Variants in ANTXRL observed in about 807,000 individuals in gnomAD.
ANTXRL encodes the protein anthrax toxin receptor-like.
Under a neutral mutation model 75.4 loss-of-function variants are expected in ANTXRL, and 63 were observed. That is an observed-to-expected ratio of 0.84 (90% CI 0.68 to 1.03). The LOEUF (loss-of-function observed/expected upper bound fraction) is 1.03. ANTXRL is among the 50% of genes least tolerant of loss of function. The probability of loss-of-function intolerance (pLI) is 0.00; values close to 1 mark genes in which losing one functional copy is unlikely to be tolerated. For missense variants in ANTXRL, 797 were observed against 789.4 expected, an observed-to-expected ratio of 1.01 and a Z score of -0.12; for synonymous variants, 335 against 291.3, an observed-to-expected ratio of 1.15 and a Z score of -1.53.
Position 46,311,521 on chromosome 10 carries a change from G to C in ANTXRL, c.1185G>C (p.Gln395His). ...PVQKPEKEPE[Q>H]EKPPSPPPPP... Reference sequence around the variant, plus strand: ...TTTTCTTTTTTTAGGAGCCAGAGCAGGAAAAACCACCATCACCACCACCAC... The same window carrying C: ...TTTTCTTTTTTTAGGAGCCAGAGCACGAAAAACCACCATCACCACCACCAC... Residue 395 changes from glutamine to histidine, a missense_variant, in exon 15 of 17, where the codon CAG becomes CAC. Physicochemically the swap from Gln to His is conservative, Grantham distance 24. This residue lies in a region of ANTXRL where 479 missense variants were observed against 422.0 expected (regional missense o/e 1.14). Coordinates refer to ENST00000620264, the MANE Select transcript of ANTXRL (RefSeq NM_001278688.3). The C allele has an allele frequency of 6.5e-7, 1 of 1,532,690 alleles. No individual in the cohort carries two copies. The highest frequency in any genetic ancestry group is 1.4e-5 in the African/African-American group (1 of 72,964). The allele number at this position is 1,532,690 out of a possible 1,614,324, so 94.9% of individuals were successfully genotyped here.
intron 16 of ANTXRL, among the ~76,000 whole-genome samples, chr10:46,322,230 A>T (rs1554965697): frequency 6.6e-6 from 1 of 152,038 alleles, no homozygotes; most frequent in Admixed American, 6.6e-5. Context: ...GTCCAAAAGG[A>T]AGGTGGATCA....
At chr10:46,287,689 T>G (rs1836821004) in intron 1 of ANTXRL, among the ~76,000 whole-genome samples, 179 bp downstream of exon 1, 1 of 152,092 alleles carries the variant, frequency 6.6e-6, no homozygotes, top group Non-Finnish European at 1.5e-5. Context: ...GCCCTGGCTT[T>G]CTTTTCCCTG....
intron 16 of ANTXRL, among the ~76,000 whole-genome samples, chr10:46,316,265 C>G (rs1375805176): frequency 6.6e-6 from 1 of 152,074 alleles, no homozygotes; most frequent in Non-Finnish European, 1.5e-5. Context: ...TTCATTCTCA[C>G]AACACCCAGG....
At chr10:46,321,577 T>C (rs560092757) in intron 16 of ANTXRL, among the ~76,000 whole-genome samples, 17 of 152,292 alleles carry the variant, frequency 1.1e-4, no homozygotes, top group Non-Finnish European at 2.1e-4. Context: ...GCAATTTTCC[T>C]CTGACATAAT....
intron 12 of ANTXRL, among the ~76,000 whole-genome samples, chr10:46,307,805 C>A (rs1838182846): frequency 6.6e-6 from 1 of 152,134 alleles, no homozygotes; most frequent in South Asian, 2.1e-4. Flanking sequence ...CTGCTGATGA[C>A]CCTGGCCCCT....
chr10:46,302,995 A>T (rs1837848412), intron 10 of ANTXRL, among the ~76,000 whole-genome samples, 175 bp downstream of exon 10: 1 of 152,092 alleles, frequency 6.6e-6, no homozygotes, highest in Admixed American at 6.5e-5. Context: ...CCCTCCCTTC[A>T]TCTGCCAAGT....
At chr10:46,297,708 A>G in intron 7 of ANTXRL, 123 bp from the exon 8 acceptor site, 1 of 966,022 alleles carries the variant, frequency 1.0e-6, no homozygotes, top group Non-Finnish European at 1.6e-6. Flanking sequence ...GAAGTCTGTG[A>G]CATTCAGAGC....
In ANTXRL at chr10:46,297,478, A is replaced by G; in HGVS notation, c.654+4A>G. The G allele has an allele frequency of 6.5e-7, 1 of 1,535,502 alleles. No individual in the cohort carries two copies. Among genetic ancestry groups the G allele is most frequent in the South Asian group, 1.2e-5 (1 of 84,028 alleles). ...GGCTGATTATAATCTGGATCAGGTAATTCCAAGCAGGTAACCAGGCGCCAC... is the reference window on the plus strand; with the variant it reads ...GGCTGATTATAATCTGGATCAGGTAGTTCCAAGCAGGTAACCAGGCGCCAC... On this transcript the variant is annotated splice_donor_region_variant and intron_variant, in intron 7 of 16. Coordinates refer to ENST00000620264, the MANE Select transcript of ANTXRL (RefSeq NM_001278688.3).
upstream of ANTXRL, among the ~76,000 whole-genome samples, chr10:46,286,118 A>G (rs1297453716): frequency 1.3e-5 from 2 of 152,116 alleles, no homozygotes; most frequent in Non-Finnish European, 2.9e-5. Context: ...TGACACTGGG[A>G]TGTGAACCTG....
chr10:46,298,283 G>A (rs1837509229), intron 9 of ANTXRL, among the ~76,000 whole-genome samples: 1 of 151,956 alleles, frequency 6.6e-6, no homozygotes, highest in Admixed American at 6.6e-5. Flanking sequence ...AAGTTGTGCT[G>A]TGGGAGGCTT....
Position 46,297,313 on chromosome 10 carries a change from GGACACTCTCA to G in ANTXRL, c.573_582del (p.Asp191GlufsTer26). Reference sequence around the variant, plus strand: ...GAGAACTGGTGGCACATGCATTTCAGGACACTCTCAGAGAAGTGAGTCCAGTTCATACTTA... The same window carrying G: ...GAGAACTGGTGGCACATGCATTTCAGGAGAAGTGAGTCCAGTTCATACTTA... On this transcript the variant is annotated frameshift_variant, in exon 6 of 17. Coordinates refer to ENST00000620264, the MANE Select transcript of ANTXRL (RefSeq NM_001278688.3). LOFTEE classifies it high-confidence loss of function. The G allele has an allele frequency of 6.5e-7, 1 of 1,536,458 alleles. No individual in the cohort carries two copies. The highest frequency in any genetic ancestry group is 1.2e-5 in the South Asian group (1 of 84,048).
intron 10 of ANTXRL, among the ~76,000 whole-genome samples, chr10:46,305,952 C>G (rs1407054234): frequency 6.6e-6 from 1 of 152,188 alleles, no homozygotes; most frequent in African/African-American, 2.4e-5. Context: ...AGTCCTGTTG[C>G]CTCCATGTGC....
intron 12 of ANTXRL, 60 bp from the exon 13 acceptor site, chr10:46,309,053 G>A: frequency 6.5e-7 from 1 of 1,533,920 alleles, no homozygotes; most frequent in Admixed American, 2.0e-5. Context: ...GGGCCACCAA[G>A]TGGTGGGCAC....
upstream of ANTXRL, chr10:46,286,304 C>T (rs1441293153): frequency 1.3e-5 from 2 of 152,194 alleles, no homozygotes; most frequent in Admixed American, 6.5e-5. Flanking sequence ...TCTTGGACCT[C>T]TGGGCCACCT....
chr10:46,324,626 A>G (rs76889246), intron 16 of ANTXRL, among the ~76,000 whole-genome samples: 1 of 152,148 alleles, frequency 6.6e-6, no homozygotes, highest in African/African-American at 2.4e-5. Flanking sequence ...AATTTAGGAA[A>G]GACTTAGAAT....
At chr10:46,313,120 G>A in intron 15 of ANTXRL, 116 bp from the exon 16 acceptor site, 8 of 934,710 alleles carry the variant, frequency 8.6e-6, no homozygotes, top group Non-Finnish European at 1.2e-5. Context: ...AGGGGGATGG[G>A]AGCTTTGTCT....
intron 9 of ANTXRL, among the ~76,000 whole-genome samples, chr10:46,299,115 C>G (rs782280673): frequency 8.6e-5 from 13 of 151,970 alleles, no homozygotes; most frequent in Non-Finnish European, 1.5e-4. Context: ...AGGGCTCCTC[C>G]CAGGAAGGCC....
chr10:46,329,601 G>A lies in ANTXRL; in HGVS notation c.1413G>A (p.Gly471=). 2.0e-6 allele frequency: 3 copies of A among 1,535,370 alleles called. No homozygotes were observed. The highest frequency in any genetic ancestry group is 2.4e-5 in the South Asian group (2 of 84,010). Residue 471 remains glycine (G), a splice_region_variant and synonymous_variant, in exon 17 of 17, where the codon GGG becomes GGA. Coordinates refer to ENST00000620264, the MANE Select transcript of ANTXRL (RefSeq NM_001278688.3). The stretch of plus-strand genomic sequence containing the variant: ...TCTCTCTCTTCTCTTCCCTACAGGG[G>A]AGGTACCTCAGCTTAGCCCTTGCAC... ...PWMCCQSRDQ[G]RYLSLALAQS...
chr10:46,310,880 G>A (rs551358185), intron 14 of ANTXRL, among the ~76,000 whole-genome samples: 1 of 152,122 alleles, frequency 6.6e-6, no homozygotes, highest in Non-Finnish European at 1.5e-5. Flanking sequence ...CTAGAGGCAG[G>A]TGTGGCTCCA....
Sources: allele counts gnomAD v4.1 joint callset (sites outside exome capture counted in the v4.1 genomes callset), GRCh38; gene constraint gnomAD v4.1.1; regional missense constraint gnomAD v4.1.1; transcripts MANE v1.5; gene names NCBI Gene and HGNC (gene_info 2026-07-23, HGNC 2026-07-21).